Variants in AFG2B observed in about 807,000 individuals in gnomAD.
AFG2B encodes ATPase family gene 2 protein homolog B.
the AFG2B span, among the ~76,000 whole-genome samples, chr15:45,404,060 T>C: frequency 6.6e-6 from 1 of 152,174 alleles, no homozygotes; most frequent in Admixed American, 6.5e-5. Context: ...CCACAACTGC[T>C]CCCTGAGTTG....
chr15:45,414,880 T>A, the AFG2B span: 2 of 1,036,352 alleles, frequency 1.9e-6, no homozygotes, highest in Middle Eastern at 3.2e-4. Context: ...TTTTTCCAGT[T>A]AAAAAATTTA....
At chr15:45,421,051 G>C in the AFG2B span, 3 of 1,609,650 alleles carry the variant, frequency 1.9e-6, no homozygotes, top group South Asian at 3.3e-5. Context: ...AGGCTGCTTT[G>C]CTGGCTCTGC....
At chr15:45,406,854 A>G in the AFG2B span, among the ~76,000 whole-genome samples, 1 of 152,234 alleles carries the variant, frequency 6.6e-6, no homozygotes, top group Non-Finnish European at 1.5e-5. Flanking sequence ...GGGAGGAGTT[A>G]TGTGATCTTC....
the AFG2B span, chr15:45,405,641 C>T: frequency 1.3e-6 from 1 of 780,906 alleles, no homozygotes; most frequent in Non-Finnish European, 2.0e-6. Flanking sequence ...ATACATTTTA[C>T]ATCTCAACTC....
At chr15:45,418,343 CAAAAAAAAAAA>C in the AFG2B span, among the ~76,000 whole-genome samples, 2 of 52,560 alleles carry the variant, frequency 3.8e-5, no homozygotes, top group Non-Finnish European at 8.6e-5. Flanking sequence ...GACTCCATCT[CAAAAAAAAAAA>C]AAAAAAAAAG....
chr15:45,403,482 C>T, the AFG2B span: 3 of 1,606,866 alleles, frequency 1.9e-6, no homozygotes, highest in Non-Finnish European at 2.5e-6. Flanking sequence ...ACGCTCTAGA[C>T]CCAGCGCTGC....
the AFG2B span, among the ~76,000 whole-genome samples, chr15:45,413,273 A>G: frequency 6.6e-6 from 1 of 152,182 alleles, no homozygotes; most frequent in African/African-American, 2.4e-5. Context: ...TGATGTCCAC[A>G]GCATCCCTGA....
the AFG2B span, among the ~76,000 whole-genome samples, chr15:45,413,029 A>G: frequency 2.6e-5 from 4 of 152,224 alleles, no homozygotes; most frequent in Non-Finnish European, 5.9e-5. Context: ...TCCATGGATA[A>G]GAGCATTTAT....
the AFG2B span, among the ~76,000 whole-genome samples, chr15:45,408,633 C>T: frequency 6.6e-6 from 1 of 152,170 alleles, no homozygotes; most frequent in African/African-American, 2.4e-5. Context: ...CTAGTTCAGG[C>T]AGTGCGCAGT....
chr15:45,403,153 C>A, the AFG2B span: 1 of 1,454,238 alleles, frequency 6.9e-7, no homozygotes. Flanking sequence ...CCTGGCGGGG[C>A]CCCCCGGAGT....
At chr15:45,410,396 G>C in the AFG2B span, 1 of 1,613,714 alleles carries the variant, frequency 6.2e-7, no homozygotes, top group South Asian at 1.1e-5. Context: ...TGTGATTGAT[G>C]AAATAGACTT....
chr15:45,406,508 T>C, the AFG2B span, among the ~76,000 whole-genome samples: 4 of 152,222 alleles, frequency 2.6e-5, no homozygotes, highest in East Asian at 7.7e-4. Flanking sequence ...AATTTGTCCT[T>C]GATCTGCAGG....
At chr15:45,418,709 G>A in the AFG2B span, 1 of 1,600,318 alleles carries the variant, frequency 6.2e-7, no homozygotes, top group Admixed American at 1.8e-5. Flanking sequence ...AGAAATTTGT[G>A]GTTCAAAACA....
the AFG2B span, among the ~76,000 whole-genome samples, chr15:45,408,698 G>A: frequency 6.6e-6 from 1 of 152,134 alleles, no homozygotes; most frequent in Non-Finnish European, 1.5e-5. Context: ...AAATCTGTGG[G>A]GAGACACTTT....
chr15:45,415,791 G>T, the AFG2B span: 65 of 1,610,024 alleles, frequency 4.0e-5, no homozygotes, highest in Non-Finnish European at 5.4e-5. Context: ...TAAATACAAG[G>T]AGCTGAAAAA....
the AFG2B span, among the ~76,000 whole-genome samples, chr15:45,404,604 C>T: frequency 1.3e-5 from 2 of 151,748 alleles, no homozygotes; most frequent in East Asian, 3.9e-4. Context: ...GTCAGGAGTT[C>T]GAGACCAGCC....
At chr15:45,405,273 T>C in the AFG2B span, 2 of 1,547,904 alleles carry the variant, frequency 1.3e-6, no homozygotes, top group Non-Finnish European at 1.8e-6. Context: ...TAATATATTT[T>C]AAACTATATA....
At chr15:45,417,065 T>C in the AFG2B span, 3 of 515,002 alleles carry the variant, frequency 5.8e-6, no homozygotes, top group Admixed American at 3.3e-5. Context: ...CCCTTAGCCA[T>C]GCACACAAAG....
the AFG2B span, among the ~76,000 whole-genome samples, chr15:45,409,045 G>A: frequency 4.6e-5 from 7 of 152,094 alleles, no homozygotes; most frequent in Non-Finnish European, 8.8e-5. Context: ...TAATGAATGA[G>A]TACTGGTTCT....
Sources: gnomAD v4.1 joint callset for allele counts (sites outside exome capture counted in the v4.1 genomes callset) on GRCh38, gnomAD v4.1.1 for gene constraint, MANE v1.5 for transcripts, NCBI Gene and HGNC (gene_info 2026-07-23, HGNC 2026-07-21) for gene names.